The following LOC400499 variants were observed in gnomAD, a reference collection of about 807,000 sequenced individuals.
the LOC400499 span, among the ~76,000 whole-genome samples, chr16:11,423,936 G>A: frequency 2.6e-5 from 4 of 152,170 alleles, no homozygotes; most frequent in Admixed American, 6.5e-5. Flanking sequence ...AGCCCCTGGC[G>A]GCCACCCTCT....
At chr16:11,460,556 T>A in the LOC400499 span, 4 of 1,535,506 alleles carry the variant, frequency 2.6e-6, no homozygotes, top group Admixed American at 3.9e-5. Flanking sequence ...TGAGCCACTG[T>A]CTGCCCGCAG....
At chr16:11,492,989 G>A in the LOC400499 span, among the ~76,000 whole-genome samples, 9 of 152,256 alleles carry the variant, frequency 5.9e-5, no homozygotes, top group South Asian at 2.1e-4. Flanking sequence ...AGTGTACCAG[G>A]AAAGAGCATG....
chr16:11,405,336 G>C, the LOC400499 span, among the ~76,000 whole-genome samples: 1 of 152,226 alleles, frequency 6.6e-6, no homozygotes, highest in South Asian at 2.1e-4. Context: ...CCAGTGCTGA[G>C]TGCCTGGGTA....
chr16:11,445,429 A>C, the LOC400499 span, among the ~76,000 whole-genome samples: 1 of 152,080 alleles, frequency 6.6e-6, no homozygotes, highest in Non-Finnish European at 1.5e-5. Context: ...TCCAAAAAAA[A>C]AAAAGAAAGA....
the LOC400499 span, chr16:11,417,502 T>C: frequency 5.0e-5 from 20 of 397,812 alleles, no homozygotes; most frequent in East Asian, 7.1e-4. Flanking sequence ...CTGTCTTGGT[T>C]GTCCTGGAGC....
the LOC400499 span, among the ~76,000 whole-genome samples, chr16:11,434,246 A>G: frequency 2.0e-5 from 3 of 152,316 alleles, no homozygotes; most frequent in East Asian, 5.8e-4. Context: ...AATAATGTAT[A>G]AAGGGTGGCT....
the LOC400499 span, chr16:11,460,553 C>T: frequency 6.5e-7 from 1 of 1,535,618 alleles, no homozygotes; most frequent in Non-Finnish European, 8.7e-7. Flanking sequence ...GTCTGAGCCA[C>T]TGTCTGCCCG....
chr16:11,466,549 C>T, the LOC400499 span, among the ~76,000 whole-genome samples: 4 of 152,048 alleles, frequency 2.6e-5, no homozygotes, highest in Admixed American at 1.3e-4. Context: ...CCACCATACC[C>T]GGCTACTTTT....
At chr16:11,503,537 C>T in the LOC400499 span, among the ~76,000 whole-genome samples, 2 of 152,312 alleles carry the variant, frequency 1.3e-5, no homozygotes, top group African/African-American at 2.4e-5. Flanking sequence ...AGGCCTGAAT[C>T]CCCCACCCAC....
the LOC400499 span, among the ~76,000 whole-genome samples, chr16:11,463,262 G>T: frequency 3.6e-5 from 2 of 55,426 alleles, no homozygotes; most frequent in Non-Finnish European, 8.3e-5. Flanking sequence ...CCACCCCCAC[G>T]CCCCCCTGAT....
At chr16:11,444,821 C>T in the LOC400499 span, among the ~76,000 whole-genome samples, 59 of 152,168 alleles carry the variant, frequency 3.9e-4, no homozygotes, top group African/African-American at 1.4e-3. Flanking sequence ...GTGGTTCACA[C>T]CTATAATGTC....
At chr16:11,495,898 G>T in the LOC400499 span, among the ~76,000 whole-genome samples, 2 of 152,150 alleles carry the variant, frequency 1.3e-5, no homozygotes, top group African/African-American at 2.4e-5. Context: ...CCCAGGCCAG[G>T]CATGATACCA....
At chr16:11,443,782 G>A in the LOC400499 span, among the ~76,000 whole-genome samples, 1 of 151,918 alleles carries the variant, frequency 6.6e-6, no homozygotes, top group Non-Finnish European at 1.5e-5. Flanking sequence ...CACCCCTAGG[G>A]AGCCACATGT....
chr16:11,435,378 C>A, the LOC400499 span, among the ~76,000 whole-genome samples: 1 of 152,136 alleles, frequency 6.6e-6, no homozygotes, highest in Non-Finnish European at 1.5e-5. Context: ...CCTCCCAAAG[C>A]CCTGGGGTAT....
At chr16:11,399,246 G>A in the LOC400499 span, 2 of 985,236 alleles carry the variant, frequency 2.0e-6, no homozygotes, top group Non-Finnish European at 2.4e-6. Flanking sequence ...CAGCATCTCG[G>A]GCCGTTCCCC....
the LOC400499 span, among the ~76,000 whole-genome samples, chr16:11,397,127 C>G: frequency 6.6e-6 from 1 of 152,164 alleles, no homozygotes; most frequent in Non-Finnish European, 1.5e-5. Flanking sequence ...AGGCCGGCAC[C>G]TAGGCTGTGT....
the LOC400499 span, among the ~76,000 whole-genome samples, chr16:11,449,770 C>T: frequency 2.1e-3 from 320 of 152,374 alleles, 2 homozygotes; most frequent in African/African-American, 7.1e-3. Flanking sequence ...CACTTCCATC[C>T]CACCAGATGC....
At chr16:11,441,090 A>G in the LOC400499 span, 2 of 399,018 alleles carry the variant, frequency 5.0e-6, no homozygotes, top group Middle Eastern at 6.3e-4. Context: ...GGTGTGTGAG[A>G]ACCAGGGGCA....
the LOC400499 span, among the ~76,000 whole-genome samples, chr16:11,427,398 A>G: frequency 2.0e-5 from 3 of 150,600 alleles, no homozygotes; most frequent in African/African-American, 7.4e-5. Context: ...ATAATTAATC[A>G]ACAGGGAAAT....
Sources: gnomAD v4.1 joint callset for allele counts (sites outside exome capture counted in the v4.1 genomes callset) on GRCh38, gnomAD v4.1.1 for gene constraint, MANE v1.5 for transcripts.